ANTXR1: variants seen among roughly 807,000 people sequenced by gnomAD.
ANTXR1 encodes ANTXR cell adhesion molecule 1, also known as anthrax toxin receptor 1.
ANTXR1 carries 19 observed loss-of-function variants against 78.1 expected under a neutral mutation model. The observed-to-expected ratio is 0.24, with a 90% CI of 0.17 to 0.36. The LOEUF is 0.36. ANTXR1 is among the 10% of genes least tolerant of loss of function. ANTXR1 has a pLI of 1.00. For synonymous variants in ANTXR1, 273 were observed against 260.5 expected, an observed-to-expected ratio of 1.05 and a Z score of -0.46; for missense variants, 518 against 718.6, an observed-to-expected ratio of 0.72 and a Z score of 3.19.
At position 69,143,668 on chromosome 2, in the gene ANTXR1, C is replaced by T. The variant is rs116241177; in HGVS notation, c.952-8501C>T. Among the ~76,000 whole-genome samples, 427 of 151,988 alleles carry T rather than the reference C, an allele frequency of 2.8e-3. 2 individuals carry two copies. Among genetic ancestry groups the T allele is most frequent in the African/African-American group, 9.7e-3 (402 of 41,420 alleles). Reference sequence around the variant, plus strand: ...CATGGACAAGAATGGATCCATCAGTCGCACAATATCATAAATGTACTTAAT... The same window carrying T: ...CATGGACAAGAATGGATCCATCAGTTGCACAATATCATAAATGTACTTAAT... On this transcript the variant is annotated intron_variant, in intron 12 of 17. Coordinates refer to ENST00000303714, the MANE Select transcript of ANTXR1 (RefSeq NM_032208.3).
At chr2:69,115,101 A>T (rs1558562887) in intron 10 of ANTXR1, among the ~76,000 whole-genome samples, 1 of 152,184 alleles carries the variant, frequency 6.6e-6, no homozygotes, top group Non-Finnish European at 1.5e-5. Flanking sequence ...GATGTTCAGC[A>T]CCATCCCTGG....
At chr2:69,218,993 ACT>A (rs1223727142) in intron 17 of ANTXR1, among the ~76,000 whole-genome samples, 1 of 152,170 alleles carries the variant, frequency 6.6e-6, no homozygotes, top group Non-Finnish European at 1.5e-5. Context: ...CGGGAAACCC[ACT>A]CTAAATTCTG....
intron 17 of ANTXR1, among the ~76,000 whole-genome samples, chr2:69,219,235 G>A (rs553511131): frequency 6.6e-6 from 1 of 152,240 alleles, no homozygotes; most frequent in Admixed American, 6.5e-5. Flanking sequence ...CAAGCAAAAT[G>A]GGCTGTAGGC....
chr2:69,158,345 A>T (rs1269913983), intron 13 of ANTXR1, among the ~76,000 whole-genome samples: 1 of 152,140 alleles, frequency 6.6e-6, no homozygotes, highest in Non-Finnish European at 1.5e-5. Flanking sequence ...TCTCTATACA[A>T]TTCTTCCTTC....
chr2:69,235,017 CTTTTT>C (rs748250586), intron 17 of ANTXR1, among the ~76,000 whole-genome samples: 1 of 83,372 alleles, frequency 1.2e-5, no homozygotes, highest in Non-Finnish European at 2.2e-5. Context: ...ATGATGAAAG[CTTTTT>C]TTTTTTTTTT....
intron 17 of ANTXR1, among the ~76,000 whole-genome samples, chr2:69,198,212 A>T (rs965758126): frequency 2.0e-5 from 3 of 152,224 alleles, no homozygotes; most frequent in African/African-American, 7.2e-5. Context: ...CCTTCAAAAG[A>T]TTATACAAAT....
intron 11 of ANTXR1, among the ~76,000 whole-genome samples, chr2:69,123,460 C>T (rs541462184): frequency 1.3e-5 from 2 of 152,316 alleles, no homozygotes; most frequent in African/African-American, 4.8e-5. Flanking sequence ...CACACTTGAC[C>T]TCGCTCTGTC....
intron 17 of ANTXR1, among the ~76,000 whole-genome samples, chr2:69,210,603 A>G (rs888843349): frequency 1.3e-5 from 2 of 152,048 alleles, no homozygotes; most frequent in Non-Finnish European, 2.9e-5. Context: ...ATAGTTACAC[A>G]CTCCTTAGTA....
chr2:69,200,662 A>G (rs1051123654), intron 17 of ANTXR1, among the ~76,000 whole-genome samples: 6 of 152,084 alleles, frequency 3.9e-5, no homozygotes, highest in Admixed American at 2.0e-4. Context: ...ACAAAAACCA[A>G]TTGCACTCCC....
At chr2:69,096,021 G>A (rs1399486823) in intron 9 of ANTXR1, among the ~76,000 whole-genome samples, 1 of 152,026 alleles carries the variant, frequency 6.6e-6, no homozygotes, top group Non-Finnish European at 1.5e-5. Context: ...CACTTTGGGA[G>A]GCCAAGGCAG....
intron 17 of ANTXR1, among the ~76,000 whole-genome samples, chr2:69,212,961 CTT>C (rs747933496): frequency 7.1e-5 from 7 of 98,078 alleles, no homozygotes; most frequent in Middle Eastern, 6.8e-3. Context: ...TGCACATCAC[CTT>C]TTTTTTTTTT....
At chr2:69,134,948 TC>T in intron 12 of ANTXR1, 1 of 325,612 alleles carries the variant, frequency 3.1e-6, no homozygotes, top group Non-Finnish European at 6.5e-6. Flanking sequence ...TTTTACAATG[TC>T]CCAGTATTTT....
chr2:69,079,249 C>T (rs995406201), intron 8 of ANTXR1, among the ~76,000 whole-genome samples: 3 of 152,158 alleles, frequency 2.0e-5, no homozygotes, highest in Non-Finnish European at 4.4e-5. Context: ...CTGTGGCATA[C>T]TTGACAGTGT....
chr2:69,093,189 G>A (rs1378254076), intron 9 of ANTXR1, among the ~76,000 whole-genome samples: 4 of 152,130 alleles, frequency 2.6e-5, no homozygotes, highest in Admixed American at 1.3e-4. Flanking sequence ...GCCAATAAAT[G>A]TTGACTAAAT....
intron 17 of ANTXR1, among the ~76,000 whole-genome samples, chr2:69,195,983 G>A (rs1008855326): frequency 2.6e-5 from 4 of 152,154 alleles, no homozygotes; most frequent in Non-Finnish European, 5.9e-5. Flanking sequence ...TAGGAAAGAG[G>A]CTGGATAGAA....
At chr2:69,224,558 G>A (rs752194215) in intron 17 of ANTXR1, among the ~76,000 whole-genome samples, 58 of 152,036 alleles carry the variant, frequency 3.8e-4, no homozygotes, top group Non-Finnish European at 4.4e-4. Context: ...ACTTGGGCTT[G>A]CATTCCATTC....
chr2:69,173,550 G>T (rs755179372), intron 14 of ANTXR1, among the ~76,000 whole-genome samples: 2 of 152,208 alleles, frequency 1.3e-5, no homozygotes, highest in Non-Finnish European at 2.9e-5. Context: ...AGGAGGAATG[G>T]ACCTGGTGCA....
chr2:69,062,034 T>C (rs1670259833), intron 3 of ANTXR1, among the ~76,000 whole-genome samples: 1 of 152,160 alleles, frequency 6.6e-6, no homozygotes, highest in Non-Finnish European at 1.5e-5. Flanking sequence ...ACAAACCCTT[T>C]ATATAATAGC....
intron 14 of ANTXR1, among the ~76,000 whole-genome samples, chr2:69,176,250 G>A (rs1674117091): frequency 1.3e-5 from 2 of 151,996 alleles, no homozygotes; most frequent in African/African-American, 2.4e-5. Context: ...CAATCCTTGT[G>A]TTGTCTTTAA....
Sources: gnomAD v4.1 joint callset for allele counts (sites outside exome capture counted in the v4.1 genomes callset) on GRCh38, gnomAD v4.1.1 for gene constraint, MANE v1.5 for transcripts, NCBI Gene and HGNC (gene_info 2026-07-23, HGNC 2026-07-21) for gene names.